Variants in RUNDC3B observed in about 807,000 individuals in gnomAD.
RUNDC3B encodes RUN domain-containing protein 3B.
A neutral mutation model predicts 58.4 loss-of-function variants in RUNDC3B; 33 were observed. That is an observed-to-expected ratio of 0.56 (90% CI 0.43 to 0.75). The LOEUF is 0.75. Among genes scored for constraint, RUNDC3B ranks in the 30% least tolerant of loss-of-function variants. RUNDC3B has a pLI of 0.00. For missense variants in RUNDC3B, 501 were observed against 535.7 expected (o/e 0.94, Z 0.64); for synonymous variants, 193 against 195.2 (o/e 0.99, Z 0.10).
chr7:87,649,329 T>C (rs1166667617), intron 1 of RUNDC3B, among the ~76,000 whole-genome samples: 1 of 152,224 alleles, frequency 6.6e-6, no homozygotes, highest in African/African-American at 2.4e-5. Flanking sequence ...AGGTACCTAC[T>C]GGGTACAACG....
At chr7:87,685,278 A>T (rs956269586) in intron 2 of RUNDC3B, among the ~76,000 whole-genome samples, 2 of 152,218 alleles carry the variant, frequency 1.3e-5, no homozygotes, top group Non-Finnish European at 2.9e-5. Context: ...ATATGCAAAG[A>T]GCTGAACAGA....
chr7:87,629,932 A>AT (rs1352817203), intron 1 of RUNDC3B, among the ~76,000 whole-genome samples: 1 of 152,038 alleles, frequency 6.6e-6, no homozygotes, highest in Non-Finnish European at 1.5e-5. Context: ...AAAAAAAAAA[A>AT]AAAGAACTAT....
chr7:87,766,647 C>A (rs964834475), intron 6 of RUNDC3B, among the ~76,000 whole-genome samples: 1 of 151,844 alleles, frequency 6.6e-6, no homozygotes, highest in Admixed American at 6.6e-5. Flanking sequence ...ATAGGAAATT[C>A]TTTTATTTCT....
intron 2 of RUNDC3B, 57 bp downstream of exon 2, chr7:87,650,994 A>G: frequency 1.0e-6 from 1 of 960,642 alleles, no homozygotes; most frequent in African/African-American, 1.6e-5. Flanking sequence ...AATAAGCTTG[A>G]AATTTTAGAA....
At chr7:87,703,894 T>TTTTTTTTTTTTTTTTG in intron 3 of RUNDC3B, among the ~76,000 whole-genome samples, 1 of 112,084 alleles carries the variant, frequency 8.9e-6, no homozygotes, top group African/African-American at 3.5e-5. Flanking sequence ...TCTTTTTTTT[T>TTTTTTTTTTTTTTTTG]TTTTTTTTTT....
chr7:87,722,728 CTG>C (rs890081863), intron 4 of RUNDC3B, among the ~76,000 whole-genome samples: 69 of 152,276 alleles, frequency 4.5e-4, no homozygotes, highest in African/African-American at 1.5e-3. Context: ...TCTTTTTCTG[CTG>C]CTGGAATCAG....
chr7:87,722,210 G>A, intron 4 of RUNDC3B, among the ~76,000 whole-genome samples: 1 of 151,410 alleles, frequency 6.6e-6, no homozygotes, highest in East Asian at 1.9e-4. Flanking sequence ...TTTGTAGTGA[G>A]GACATTTAAA....
At chr7:87,801,757 T>C (rs1054829263) in intron 8 of RUNDC3B, among the ~76,000 whole-genome samples, 1 of 152,140 alleles carries the variant, frequency 6.6e-6, no homozygotes, top group Non-Finnish European at 1.5e-5. Flanking sequence ...AGAGCAAGAC[T>C]GTTTCAAAAA....
chr7:87,696,746 A>G (rs1315368789), intron 2 of RUNDC3B, among the ~76,000 whole-genome samples: 1 of 152,120 alleles, frequency 6.6e-6, no homozygotes, highest in East Asian at 1.9e-4. Context: ...TGTTATGAAG[A>G]TCTTGGTGGT....
chr7:87,703,885 CTTTTTTTTTTTT>C lies in RUNDC3B; in HGVS notation c.372+3347_372+3358del. On this transcript the variant is annotated intron_variant, in intron 3 of 10. Transcript: ENST00000394654. ...CTTAGGTGAGCTTTATCAGTTTTTTCTTTTTTTTTTTTTTTTTTTTTTTTTTTGGTTTTTTTT... is the reference window on the plus strand; with the variant it reads ...CTTAGGTGAGCTTTATCAGTTTTTTCTTTTTTTTTTTTTTTGGTTTTTTTT... Among the ~76,000 whole-genome samples, 7 of 60,296 alleles carry C rather than the reference CTTTTTTTTTTTT, an allele frequency of 1.2e-4. No homozygotes were observed. In the Admixed American group the frequency reaches 1.2e-3, roughly 10 times the overall value. The allele number at this position is 60,296 out of a possible 152,430, so 39.6% of individuals were successfully genotyped here. A position where few individuals can be genotyped will look rare whatever the true frequency, so the allele number is the denominator to read the frequency against.
intron 6 of RUNDC3B, among the ~76,000 whole-genome samples, chr7:87,749,171 G>A (rs1832816980): frequency 6.6e-6 from 1 of 152,086 alleles, no homozygotes. Context: ...AGTGATTTAG[G>A]AAATGACTTA....
At position 87,710,607 on chromosome 7, in the gene RUNDC3B, A is replaced by G. The variant is rs1829990071; in HGVS notation, c.410A>G (p.His137Arg). The G allele has an allele frequency of 2.5e-6, 4 of 1,604,098 alleles. No homozygotes were observed. The highest frequency in any genetic ancestry group is 2.6e-6 in the Non-Finnish European group (3 of 1,173,948). Residue 137 changes from histidine to arginine, a missense_variant, in exon 4 of 11, where the codon CAT (histidine) becomes CGT (arginine). Transcript: ENST00000394654. ...ATCAGAGTAGCACTCATGGAAAAAC[A>G]TTTATCTGAATACATCTCTACAGCT... ...AWIRVALMEK[H>R]LSEYISTALR...
chr7:87,648,806 C>A (rs936475760), intron 1 of RUNDC3B, among the ~76,000 whole-genome samples: 1 of 151,996 alleles, frequency 6.6e-6, no homozygotes, highest in African/African-American at 2.4e-5. Context: ...GATTATTTTG[C>A]ATGGTTTCAA....
chr7:87,823,048 ATAAAAT>A (rs1027392295), intron 10 of RUNDC3B, among the ~76,000 whole-genome samples: 1 of 152,108 alleles, frequency 6.6e-6, no homozygotes, highest in Admixed American at 6.6e-5. Flanking sequence ...TAATAATAAA[ATAAAAT>A]TAAAAAAAAA....
At chr7:87,645,972 A>G (rs1293674173) in intron 1 of RUNDC3B, among the ~76,000 whole-genome samples, 1 of 152,236 alleles carries the variant, frequency 6.6e-6, no homozygotes, top group East Asian at 1.9e-4. Flanking sequence ...TGACTTTGAT[A>G]TAATAGAAAT....
At chr7:87,715,319 TA>T (rs1472733350) in intron 4 of RUNDC3B, among the ~76,000 whole-genome samples, 5,246 of 130,848 alleles carry the variant, frequency 0.04, 286 homozygotes, top group African/African-American at 0.076. Flanking sequence ...AATTAATTTA[TA>T]ATAATTATAT....
intron 4 of RUNDC3B, among the ~76,000 whole-genome samples, chr7:87,715,916 G>A (rs1410678301): frequency 6.6e-6 from 1 of 152,012 alleles, no homozygotes; most frequent in Non-Finnish European, 1.5e-5. Flanking sequence ...GAAAGTCACT[G>A]ACAAGGAGAG....
chr7:87,694,018 T>C (rs1828263891), intron 2 of RUNDC3B: 1 of 1,602,048 alleles, frequency 6.2e-7, no homozygotes, highest in South Asian at 1.1e-5. Context: ...GAATTGACTT[T>C]CGGGGGAGGG....
intron 1 of RUNDC3B, among the ~76,000 whole-genome samples, chr7:87,640,179 T>TAC (rs1491458153): frequency 6.7e-6 from 1 of 148,644 alleles, no homozygotes; most frequent in African/African-American, 2.5e-5. Context: ...AAAACATACT[T>TAC]ATATATATAT....
Sources: allele counts gnomAD v4.1 joint callset (sites outside exome capture counted in the v4.1 genomes callset), GRCh38; gene constraint gnomAD v4.1.1; transcripts MANE v1.5; gene names NCBI Gene and HGNC (gene_info 2026-07-23, HGNC 2026-07-21).